Variants in KLF12 observed in about 807,000 individuals in gnomAD.
KLF12 encodes Krueppel-like factor 12.
Under a neutral mutation model 37.8 loss-of-function variants are expected in KLF12, and 9 were observed. The observed-to-expected ratio is 0.24, with a 90% CI of 0.14 to 0.42. The LOEUF is 0.42. Among genes scored for constraint, KLF12 ranks in the 10% least tolerant of loss-of-function variants. The probability of loss-of-function intolerance (pLI) is 1.00; values close to 1 mark genes in which losing one functional copy is unlikely to be tolerated. For missense variants in KLF12, 411 were observed against 516.0 expected, an observed-to-expected ratio of 0.80 and a Z score of 1.97; for synonymous variants, 208 against 202.1, an observed-to-expected ratio of 1.03 and a Z score of -0.25.
At chr13:74,038,180 T>C (rs1028338544) in intron 1 of KLF12, among the ~76,000 whole-genome samples, 34 of 152,316 alleles carry the variant, frequency 2.2e-4, no homozygotes, top group African/African-American at 6.5e-4. Flanking sequence ...TGTAAGATGC[T>C]ACCAGTGGGG....
intron 5 of KLF12, among the ~76,000 whole-genome samples, chr13:73,797,202 G>A (rs930681883): frequency 1.2e-4 from 19 of 152,116 alleles, no homozygotes; most frequent in African/African-American, 4.3e-4. Flanking sequence ...TTCTGCCACT[G>A]ACTTCCTGTC....
At chr13:73,932,166 T>C (rs1241720191) in intron 3 of KLF12, among the ~76,000 whole-genome samples, 1 of 152,172 alleles carries the variant, frequency 6.6e-6, no homozygotes, top group African/African-American at 2.4e-5. Flanking sequence ...ATATAATTAG[T>C]TATGACAAGA....
At chr13:73,833,047 A>C (rs1275992583) in intron 4 of KLF12, among the ~76,000 whole-genome samples, 1 of 152,194 alleles carries the variant, frequency 6.6e-6, no homozygotes, top group Non-Finnish European at 1.5e-5. Flanking sequence ...TGGCATCATG[A>C]TGCTGATGCA....
chr13:73,800,795 T>C (rs935872798), intron 5 of KLF12: 1 of 152,124 alleles, frequency 6.6e-6, no homozygotes, highest in African/African-American at 2.4e-5. Context: ...TAATGATATA[T>C]CAGATAGTTT....
At chr13:73,987,904 G>C (rs1391460669) in intron 2 of KLF12, among the ~76,000 whole-genome samples, 1 of 151,784 alleles carries the variant, frequency 6.6e-6, no homozygotes, top group East Asian at 1.9e-4. Context: ...GTGAGAGTGA[G>C]ACAAGGAAGG....
chr13:73,967,160 T>C (rs1193566824), intron 2 of KLF12, among the ~76,000 whole-genome samples: 1 of 152,212 alleles, frequency 6.6e-6, no homozygotes. Flanking sequence ...GGAATCTGTT[T>C]TCCTGGCCCA....
intron 7 of KLF12, among the ~76,000 whole-genome samples, chr13:73,699,654 C>A (rs1001566731): frequency 6.6e-6 from 1 of 152,148 alleles, no homozygotes; most frequent in Non-Finnish European, 1.5e-5. Context: ...ATTAAAATAG[C>A]CACTGTGAAC....
At chr13:74,068,639 C>T (rs1275352387) in intron 1 of KLF12, among the ~76,000 whole-genome samples, 4 of 151,322 alleles carry the variant, frequency 2.6e-5, no homozygotes, top group Admixed American at 2.6e-4. Context: ...ACACTGCAGC[C>T]TACACCTCCC....
intron 1 of KLF12, among the ~76,000 whole-genome samples, chr13:74,000,042 G>A (rs1441257114): frequency 2.0e-5 from 3 of 151,972 alleles, no homozygotes; most frequent in Non-Finnish European, 1.5e-5. Context: ...TTGTTAAACC[G>A]GTATCATAAG....
At chr13:73,994,473 C>G (rs1472407668) in intron 2 of KLF12, among the ~76,000 whole-genome samples, 1 of 148,308 alleles carries the variant, frequency 6.7e-6, no homozygotes, top group Non-Finnish European at 1.5e-5. Flanking sequence ...GCGCCCCCCC[C>G]ACCACCACAC....
At chr13:74,120,753 G>A (rs1877581597) in intron 1 of KLF12, among the ~76,000 whole-genome samples, 1 of 151,868 alleles carries the variant, frequency 6.6e-6, no homozygotes, top group Non-Finnish European at 1.5e-5. Flanking sequence ...AACAATGAAA[G>A]AGAAAAAAAT....
At chr13:73,924,940 T>C (rs746479582) in intron 3 of KLF12, among the ~76,000 whole-genome samples, 3 of 152,170 alleles carry the variant, frequency 2.0e-5, no homozygotes, top group Non-Finnish European at 4.4e-5. Flanking sequence ...CAAGGCCTAA[T>C]CCAGAGCAAG....
At chr13:74,125,700 C>T in intron 1 of KLF12, among the ~76,000 whole-genome samples, 1 of 152,106 alleles carries the variant, frequency 6.6e-6, no homozygotes, top group East Asian at 1.9e-4. Flanking sequence ...ATTTGTTTTA[C>T]TACATATATC....
chr13:74,042,379 G>A (rs1257839327), intron 1 of KLF12, among the ~76,000 whole-genome samples: 1 of 151,580 alleles, frequency 6.6e-6, no homozygotes, highest in African/African-American at 2.4e-5. Context: ...AAGGTCACAC[G>A]TGCATTCAGC....
intron 5 of KLF12, among the ~76,000 whole-genome samples, chr13:73,783,756 C>T (rs1014669361): frequency 6.6e-6 from 1 of 152,128 alleles, no homozygotes; most frequent in Non-Finnish European, 1.5e-5. Flanking sequence ...TTGGAAATAT[C>T]TTTGCACAAT....
At chr13:73,746,031 T>C (rs1341920367) in intron 6 of KLF12, among the ~76,000 whole-genome samples, 2 of 149,520 alleles carry the variant, frequency 1.3e-5, no homozygotes, top group Admixed American at 6.7e-5. Context: ...CACAACGGTG[T>C]GGCACCTGGC....
At chr13:74,045,727 G>A (rs1893526782) in intron 1 of KLF12, among the ~76,000 whole-genome samples, 1 of 152,000 alleles carries the variant, frequency 6.6e-6, no homozygotes, top group African/African-American at 2.4e-5. Flanking sequence ...GTAGTCCAGC[G>A]AGCTCCCACA....
chr13:74,206,702 CTT>C, the KLF12 span, among the ~76,000 whole-genome samples: 2 of 152,216 alleles, frequency 1.3e-5, no homozygotes, highest in Non-Finnish European at 2.9e-5. Context: ...TTAGGCTACA[CTT>C]TGTCTTTCTC....
rs370934279 is a variant in KLF12 at position 73,747,128 on chromosome 13, TCTTC to T, written c.869+17806_869+17809del. Reference sequence around the variant, plus strand: ...CACTACTCCTGGCATTTTCTTTCTTTCTTCCTTCAAATATTTACTGAGTGTCTAC... The same window carrying T: ...CACTACTCCTGGCATTTTCTTTCTTTCTTCAAATATTTACTGAGTGTCTAC... On this transcript the variant is annotated intron_variant, in intron 6 of 7. Coordinates refer to ENST00000377669, the MANE Select transcript of KLF12 (RefSeq NM_007249.5). Among the ~76,000 whole-genome samples, 313 of 152,284 alleles carry T rather than the reference TCTTC, an allele frequency of 2.1e-3. 2 individuals carry two copies. The highest frequency in any genetic ancestry group is 0.013 in the South Asian group (63 of 4,824).
Sources: allele counts gnomAD v4.1 joint callset (sites outside exome capture counted in the v4.1 genomes callset), GRCh38; gene constraint gnomAD v4.1.1; transcripts MANE v1.5; gene names NCBI Gene and HGNC (gene_info 2026-07-23, HGNC 2026-07-21).